CACNA2D3: variants seen among roughly 807,000 people sequenced by gnomAD.
CACNA2D3 encodes calcium voltage-gated channel auxiliary subunit alpha2delta 3.
CACNA2D3 carries 60 observed loss-of-function variants against 160.6 expected under a neutral mutation model. The ratio of observed to expected loss-of-function variants is 0.37; its 90% CI spans 0.30 to 0.46. CACNA2D3 has a LOEUF of 0.46. CACNA2D3 is among the 20% of genes least tolerant of loss of function. The pLI, the probability that CACNA2D3 is intolerant of heterozygous loss-of-function variation, is 1.00. For missense variants in CACNA2D3, 1,205 were observed against 1,365.0 expected, an observed-to-expected ratio of 0.88 and a Z score of 1.85; for synonymous variants, 558 against 492.9, an observed-to-expected ratio of 1.13 and a Z score of -1.75.
At chr3:54,438,744 A>G (rs1055501280) in intron 4 of CACNA2D3, among the ~76,000 whole-genome samples, 1 of 152,198 alleles carries the variant, frequency 6.6e-6, no homozygotes, top group Non-Finnish European at 1.5e-5. Flanking sequence ...TTATCCATTA[A>G]AGGGGTAATT....
At chr3:54,227,352 T>G (rs1701692508) in intron 2 of CACNA2D3, among the ~76,000 whole-genome samples, 2 of 152,244 alleles carry the variant, frequency 1.3e-5, no homozygotes, top group Non-Finnish European at 2.9e-5. Context: ...AGTAGCCTCC[T>G]AAAGTTCACT....
intron 31 of CACNA2D3, among the ~76,000 whole-genome samples, chr3:54,990,483 G>T (rs1269511042): frequency 6.6e-6 from 1 of 152,094 alleles, no homozygotes; most frequent in Non-Finnish European, 1.5e-5. Context: ...ATAAGCCGAG[G>T]TCATGCTACG....
chr3:54,171,994 C>T (rs183372463), intron 2 of CACNA2D3, among the ~76,000 whole-genome samples: 75 of 152,358 alleles, frequency 4.9e-4, no homozygotes, highest in African/African-American at 1.8e-3. Context: ...GCCATCTCCT[C>T]TAAATGGCCA....
chr3:54,852,821 C>T (rs929691938), intron 17 of CACNA2D3, among the ~76,000 whole-genome samples: 3 of 152,156 alleles, frequency 2.0e-5, no homozygotes, highest in Non-Finnish European at 4.4e-5. Context: ...CTAGACAGTG[C>T]ACATCAAACA....
chr3:54,294,285 A>G (rs1033291016), intron 2 of CACNA2D3, among the ~76,000 whole-genome samples: 9 of 152,198 alleles, frequency 5.9e-5, no homozygotes, highest in African/African-American at 2.2e-4. Flanking sequence ...GATCAAGGAA[A>G]GTATTTCTGC....
At chr3:54,946,514 A>G (rs1407614254) in intron 27 of CACNA2D3, among the ~76,000 whole-genome samples, 1 of 152,212 alleles carries the variant, frequency 6.6e-6, no homozygotes, top group African/African-American at 2.4e-5. Flanking sequence ...CGTTAGCAGC[A>G]GGAAAGAAGA....
At chr3:54,706,868 A>G (rs75645627) in intron 11 of CACNA2D3, among the ~76,000 whole-genome samples, 3 of 152,280 alleles carry the variant, frequency 2.0e-5, no homozygotes, top group East Asian at 3.9e-4. Context: ...TTGTCATGAT[A>G]TGGTTGGGAA....
At chr3:54,418,336 T>C (rs1360059117) in intron 4 of CACNA2D3, among the ~76,000 whole-genome samples, 1 of 152,198 alleles carries the variant, frequency 6.6e-6, no homozygotes, top group Non-Finnish European at 1.5e-5. Flanking sequence ...TTTGTGTGTG[T>C]ATTTTAAAGC....
intron 4 of CACNA2D3, among the ~76,000 whole-genome samples, chr3:54,497,435 T>C (rs2106933690): frequency 6.6e-6 from 1 of 152,214 alleles, no homozygotes; most frequent in East Asian, 1.9e-4. Context: ...TGTTAGTATA[T>C]TGAAATAAAA....
intron 27 of CACNA2D3, among the ~76,000 whole-genome samples, chr3:54,903,137 G>T (rs565550550): frequency 7.2e-5 from 11 of 152,232 alleles, no homozygotes; most frequent in African/African-American, 2.6e-4. Context: ...TTGTTGTACA[G>T]ATTATTTTAT....
chr3:54,792,826 T>C (rs1227363273), intron 13 of CACNA2D3, among the ~76,000 whole-genome samples: 1 of 152,088 alleles, frequency 6.6e-6, no homozygotes, highest in Non-Finnish European at 1.5e-5. Flanking sequence ...GTGTCTACCC[T>C]TGGATTTAAG....
chr3:54,445,518 A>G (rs1165720039), intron 4 of CACNA2D3, among the ~76,000 whole-genome samples: 1 of 151,082 alleles, frequency 6.6e-6, no homozygotes, highest in Non-Finnish European at 1.5e-5. Flanking sequence ...ATATATGTTC[A>G]TACACTTATT....
At chr3:54,687,271 G>C (rs894566979) in intron 11 of CACNA2D3, among the ~76,000 whole-genome samples, 2 of 150,166 alleles carry the variant, frequency 1.3e-5, no homozygotes, top group African/African-American at 4.9e-5. Context: ...CTCCCGAGTA[G>C]CTGGGATTAC....
rs139252802 is a variant in CACNA2D3, at chr3:54,996,793, C to T, written c.2691-7970C>T. On this transcript the variant is annotated intron_variant, in intron 31 of 37. Coordinates refer to ENST00000474759, the MANE Select transcript of CACNA2D3 (RefSeq NM_018398.3). ...AACCCAAATGCCCATCAATGATAGA[C>T]TAGATAAAGAAAATGTGGCACATAT... 7.3e-3 allele frequency among the ~76,000 whole-genome samples: 1,110 copies of T among 152,190 alleles called. 18 individuals carry two copies. Among genetic ancestry groups the T allele is most frequent in the Non-Finnish European group, 0.013 (899 of 68,008 alleles).
At chr3:55,038,907 T>TATATATATAC (rs1553636480) in intron 35 of CACNA2D3, among the ~76,000 whole-genome samples, 10 of 113,060 alleles carry the variant, frequency 8.8e-5, no homozygotes, top group African/African-American at 2.5e-4. Flanking sequence ...TATATATATA[T>TATATATATAC]ACACACACTG....
At position 54,918,332 on chromosome 3, in the gene CACNA2D3, CTTTTTTTTTTT is replaced by C. The variant is rs533596688; in HGVS notation, c.2449+18477_2449+18487del. 1.4e-4 allele frequency: 32 copies of C among 228,000 alleles called. 1 individual carries two copies. Among genetic ancestry groups the C allele is most frequent in the South Asian group, 4.6e-4 (8 of 17,326 alleles). The allele number at this position is 228,000 out of a possible 1,614,324, so 14.1% of individuals were successfully genotyped here. Reference sequence around the variant, plus strand: ...TTTTACAGACACATCTTTTTTTTTTCTTTTTTTTTTTTTTTTTTTTTTTGTCTTTTGGCAAA... The same window carrying C: ...TTTTACAGACACATCTTTTTTTTTTCTTTTTTTTTTTTGTCTTTTGGCAAA... On this transcript the variant is annotated intron_variant, in intron 27 of 37. Coordinates refer to ENST00000474759, the MANE Select transcript of CACNA2D3 (RefSeq NM_018398.3).
chr3:54,285,365 G>A (rs1028665713), intron 2 of CACNA2D3, among the ~76,000 whole-genome samples: 5 of 152,178 alleles, frequency 3.3e-5, no homozygotes, highest in Non-Finnish European at 5.9e-5. Flanking sequence ...ACTGCAAGGC[G>A]GCAGCGAGGC....
At chr3:54,794,833 G>A (rs1364324090) in intron 13 of CACNA2D3, among the ~76,000 whole-genome samples, 1 of 151,828 alleles carries the variant, frequency 6.6e-6, no homozygotes, top group Non-Finnish European at 1.5e-5. Flanking sequence ...AGATTTTGTT[G>A]TTATGATATG....
rs71617795 is a variant in CACNA2D3, at chr3:54,303,818, G to GTTT, written c.205-16606_205-16604dup. Among the ~76,000 whole-genome samples the GTTT allele has an allele frequency of 3.1e-3, 353 of 114,946 alleles. 1 individual carries two copies. The highest frequency in any genetic ancestry group is 3.7e-3 in the Non-Finnish European group (217 of 58,416). 75.4% of individuals were successfully genotyped at this position (114,946 alleles called of 152,430 possible). ...CAGCCTCATCAGTGACTTTTTTTCT[G>GTTT]TTTTTTTTTTTTTTTTTTTTCTATT... On this transcript the variant is annotated intron_variant, in intron 2 of 37. Transcript: ENST00000474759.
Sources: gnomAD v4.1 joint callset for allele counts (sites outside exome capture counted in the v4.1 genomes callset) on GRCh38, gnomAD v4.1.1 for gene constraint, MANE v1.5 for transcripts, NCBI Gene and HGNC (gene_info 2026-07-23, HGNC 2026-07-21) for gene names.